Variants in ADAM18 observed in about 807,000 individuals in gnomAD.
The protein encoded by ADAM18 is disintegrin and metalloproteinase domain-containing protein 18.
A neutral mutation model predicts 94.4 loss-of-function variants in ADAM18; 117 were observed. The observed-to-expected ratio is 1.24, with a 90% CI of 1.07 to 1.45. The LOEUF (loss-of-function observed/expected upper bound fraction) is 1.45. Among genes scored for constraint, ADAM18 ranks in the 40% most tolerant of loss-of-function variants. The pLI is 0.00. For missense variants in ADAM18, 936 were observed against 880.0 expected (o/e 1.06, Z -0.81); for synonymous variants, 327 against 291.6 (o/e 1.12, Z -1.24).
At chr8:39,636,185 AT>A (rs1820072003) in intron 7 of ADAM18, among the ~76,000 whole-genome samples, 2 of 151,724 alleles carry the variant, frequency 1.3e-5, no homozygotes, top group African/African-American at 2.4e-5. Context: ...TGCCTGGATA[AT>A]TTTTTTAAAA....
chr8:39,607,240 C>T (rs1026406531), intron 3 of ADAM18, among the ~76,000 whole-genome samples: 47 of 152,152 alleles, frequency 3.1e-4, no homozygotes, highest in African/African-American at 9.9e-4. Context: ...CGTAAGAGCC[C>T]TCATGTTTTC....
At chr8:39,714,416 T>TA (rs1346847676) in intron 18 of ADAM18, among the ~76,000 whole-genome samples, 1 of 152,166 alleles carries the variant, frequency 6.6e-6, no homozygotes, top group African/African-American at 2.4e-5. Flanking sequence ...TGTGCACATG[T>TA]ACCCTAGAAC....
Position 39,638,562 on chromosome 8 carries a change from T to A in ADAM18, c.909+16T>A, listed in dbSNP as rs1554507297. 2 of 1,467,250 alleles carry A rather than the reference T, an allele frequency of 1.4e-6. No individual in the cohort carries two copies. The highest frequency in any genetic ancestry group is 1.4e-5 in the South Asian group (1 of 70,118). The allele number at this position is 1,467,250 out of a possible 1,614,324, so 90.9% of individuals were successfully genotyped here. ...TATTGCTATGGTATGTAATTTTTAT[T>A]CTTCTTTACATCACTATTTTTAGGC... is the stretch of plus-strand genomic sequence containing the variant. On this transcript the variant is annotated intron_variant, in intron 10 of 19. Transcript: ENST00000265707.
chr8:39,640,364 T>G (rs2129579379), intron 10 of ADAM18, among the ~76,000 whole-genome samples: 1 of 152,198 alleles, frequency 6.6e-6, no homozygotes, highest in East Asian at 1.9e-4. Context: ...ATAATCTCAT[T>G]CCTTTTATGG....
intron 12 of ADAM18, among the ~76,000 whole-genome samples, chr8:39,663,446 A>G (rs1234402490): frequency 6.7e-6 from 1 of 150,212 alleles, no homozygotes; most frequent in African/African-American, 2.4e-5. Flanking sequence ...AAAAAAGAAA[A>G]AAAATATCTG....
chr8:39,630,175 G>A (rs966858655), intron 7 of ADAM18, among the ~76,000 whole-genome samples: 1 of 151,590 alleles, frequency 6.6e-6, no homozygotes, highest in African/African-American at 2.4e-5. Flanking sequence ...ATATGTTTCA[G>A]CATAGTTTTT....
chr8:39,665,520 A>C (rs1820972572), intron 13 of ADAM18, among the ~76,000 whole-genome samples: 1 of 152,250 alleles, frequency 6.6e-6, no homozygotes, highest in Non-Finnish European at 1.5e-5. Context: ...ATTGAAAAAC[A>C]GTCTTTCAAA....
intron 2 of ADAM18, among the ~76,000 whole-genome samples, chr8:39,587,208 T>C (rs1393284480): frequency 2.6e-5 from 4 of 152,210 alleles, no homozygotes; most frequent in African/African-American, 4.8e-5. Context: ...TTGCATACTT[T>C]TGTTTTGTGT....
At chr8:39,633,221 C>G (rs1819981300) in intron 7 of ADAM18, among the ~76,000 whole-genome samples, 1 of 152,070 alleles carries the variant, frequency 6.6e-6, no homozygotes, top group Non-Finnish European at 1.5e-5. Context: ...ACAAATGGAC[C>G]AAGACAGAAA....
intron 18 of ADAM18, among the ~76,000 whole-genome samples, chr8:39,718,053 G>T (rs1489599546): frequency 6.6e-6 from 1 of 151,458 alleles, no homozygotes; most frequent in East Asian, 1.9e-4. Flanking sequence ...TACCTGTCAG[G>T]ATGACTATTA....
intron 14 of ADAM18, among the ~76,000 whole-genome samples, chr8:39,675,820 C>T (rs776648120): frequency 6.6e-6 from 1 of 152,128 alleles, no homozygotes; most frequent in Admixed American, 6.5e-5. Flanking sequence ...GTGTAGATGA[C>T]CTTTTTGTTG....
At chr8:39,610,428 A>G in intron 5 of ADAM18, 101 bp from the exon 6 acceptor site, 1 of 1,339,794 alleles carries the variant, frequency 7.5e-7, no homozygotes. Flanking sequence ...TGTGTTCTTT[A>G]GTATAGTTTT....
intron 16 of ADAM18, among the ~76,000 whole-genome samples, chr8:39,690,080 G>A (rs1821728539): frequency 6.6e-6 from 1 of 152,196 alleles, no homozygotes. Context: ...CTTTGCTGAA[G>A]TTGTTTATCA....
At chr8:39,666,636 G>T (rs954571310) in intron 13 of ADAM18, among the ~76,000 whole-genome samples, 1 of 152,304 alleles carries the variant, frequency 6.6e-6, no homozygotes, top group African/African-American at 2.4e-5. Flanking sequence ...AAGGTGAAAG[G>T]CACATCTCAC....
chr8:39,586,759 T>A (rs1184845006), intron 2 of ADAM18, among the ~76,000 whole-genome samples: 1 of 48,440 alleles, frequency 2.1e-5, no homozygotes, highest in Non-Finnish European at 3.6e-5. Flanking sequence ...CAAAAAACTA[T>A]CTATCTATCT....
chr8:39,667,114 G>A (rs1406936748), intron 13 of ADAM18, among the ~76,000 whole-genome samples: 1 of 152,004 alleles, frequency 6.6e-6, no homozygotes, highest in Non-Finnish European at 1.5e-5. Context: ...AGGTGTGGTG[G>A]CTCAAGACTT....
Position 39,610,646 on chromosome 8 carries a change from A to C in ADAM18, c.462A>C (p.Ala154=). 1 of 1,613,116 alleles carries C rather than the reference A, an allele frequency of 6.2e-7. No individual in the cohort carries two copies. Among genetic ancestry groups the C allele is most frequent in the Non-Finnish European group, 8.5e-7 (1 of 1,179,354 alleles). ...ATGATCCAAATGTATCCATTTTAGC[A>C]GTAAATTACAGTCATATTTGGCAGA... ...KNNDPNVSIL[A]VNYSHIWQKD... The change falls in exon 6 of 20, where the codon GCA becomes GCC. Residue 154 remains alanine, a synonymous_variant. Coordinates refer to ENST00000265707, the MANE Select transcript of ADAM18 (RefSeq NM_014237.3).
chr8:39,672,741 A>G (rs1227158952), intron 14 of ADAM18, among the ~76,000 whole-genome samples: 1 of 152,200 alleles, frequency 6.6e-6, no homozygotes, highest in African/African-American at 2.4e-5. Flanking sequence ...ATGGACTTAC[A>G]ACCATTTAAT....
intron 7 of ADAM18, among the ~76,000 whole-genome samples, chr8:39,630,252 A>T (rs923499859): frequency 2.6e-5 from 4 of 151,696 alleles, no homozygotes; most frequent in African/African-American, 9.7e-5. Context: ...TATATTTACT[A>T]AATGCAAAAC....
Sources: allele counts gnomAD v4.1 joint callset (sites outside exome capture counted in the v4.1 genomes callset), GRCh38; gene constraint gnomAD v4.1.1; transcripts MANE v1.5; gene names NCBI Gene and HGNC (gene_info 2026-07-23, HGNC 2026-07-21).